RBM12B: variants seen among roughly 807,000 people sequenced by gnomAD.
RBM12B encodes the protein RNA binding motif protein 12B, also known as RNA-binding protein 12B.
RBM12B carries 10 observed loss-of-function variants against 34.3 expected under a neutral mutation model. The observed-to-expected ratio is 0.29, with a 90% CI of 0.18 to 0.49. The LOEUF (loss-of-function observed/expected upper bound fraction) is 0.49. RBM12B is among the 20% of genes least tolerant of loss of function. RBM12B has a pLI of 0.99. For synonymous variants in RBM12B, 477 were observed against 437.1 expected, an observed-to-expected ratio of 1.09 and a Z score of -1.14; for missense variants, 1,139 against 1,262.7, an observed-to-expected ratio of 0.90 and a Z score of 1.48.
chr8:93,734,036 T>TGGGGCGGTCTCCG lies in RBM12B; in HGVS notation c.2374_2375insCGGAGACCGCCCC (p.Gln792ProfsTer22), dbSNP rs1811892283. The TGGGGCGGTCTCCG allele has an allele frequency of 6.3e-7, 1 of 1,596,662 alleles. No individual in the cohort carries two copies. Among genetic ancestry groups the TGGGGCGGTCTCCG allele is most frequent in the African/African-American group, 1.4e-5 (1 of 73,312 alleles). On this transcript the variant is annotated frameshift_variant, in exon 4 of 4. Coordinates refer to ENST00000520560, the MANE Select transcript of RBM12B (RefSeq NM_001377960.1). LOFTEE classifies it high-confidence loss of function. ...CTCTCGGGAGCGCCTGAAATGCTCC[T>TGGGGCGGTCTCCG]GAGGCGGCCGCCTGAAATGCTCCTG...
chr8:93,735,522 C>T lies in RBM12B; in HGVS notation c.889G>A (p.Glu297Lys), dbSNP rs770059077. The T allele has an allele frequency of 8.7e-6, 14 of 1,613,656 alleles. No homozygotes were observed. The highest frequency in any genetic ancestry group is 3.3e-5 in the South Asian group (3 of 91,074). The part of the protein sequence containing the change: ...HLKNLSLSID[E>K]RDLRNFFRGT... ...CTAAAGAAATTTCTTAAATCTCTTT[C>T]GTCAATACTGAGGGACAGATTTTTT... Residue 297 changes from glutamate to lysine, a missense_variant, in exon 4 of 4, where the codon GAA (glutamate) becomes AAA (lysine). This residue lies in a region of RBM12B where 863 missense variants were observed against 869.5 expected (regional missense o/e 0.99). Transcript: ENST00000520560.
At chr8:93,738,443 A>G (rs1004778464) in intron 2 of RBM12B, among the ~76,000 whole-genome samples, 3 of 152,216 alleles carry the variant, frequency 2.0e-5, no homozygotes, top group African/African-American at 7.2e-5. Flanking sequence ...CCAAATAAAT[A>G]ATTATAATTT....
In RBM12B at chr8:93,735,288, A is replaced by G; in HGVS notation, c.1123T>C (p.Ser375Pro). 1 of 1,614,006 alleles carries G rather than the reference A, an allele frequency of 6.2e-7. No homozygotes were observed. Reference sequence around the variant, plus strand: ...GGCCTATCTCTCTCTAGTGACCCTGATCTCTTCTTTTCATAACGTGCAATG... The same window carrying G: ...GGCCTATCTCTCTCTAGTGACCCTGGTCTCTTCTTTTCATAACGTGCAATG... ...KFIARYEKKR[S>P]GSLERDRPGH... Residue 375 changes from serine (S) to proline (P), a missense_variant, in exon 4 of 4, where the codon TCA (serine) becomes CCA (proline). By Grantham distance (74) the Ser-to-Pro change is moderately conservative. This residue lies in a region of RBM12B where 863 missense variants were observed against 869.5 expected (regional missense o/e 0.99). Transcript: ENST00000520560.
chr8:93,733,397 C>G lies in RBM12B; in HGVS notation c.*8G>C. The G allele has an allele frequency of 6.6e-7, 1 of 1,509,048 alleles. No homozygotes were observed. The highest frequency in any genetic ancestry group is 8.9e-7 in the Non-Finnish European group (1 of 1,129,802). The allele number at this position is 1,509,048 out of a possible 1,614,324, so 93.5% of individuals were successfully genotyped here. ...AGGAAGATAACTGAATTTAGAAATG[C>G]TCTCTCTCTACAGCAAAGTTAACTT... is the stretch of plus-strand genomic sequence containing the variant. On this transcript the variant is annotated 3_prime_UTR_variant, in exon 4 of 4. Coordinates refer to ENST00000520560, the MANE Select transcript of RBM12B (RefSeq NM_001377960.1).
At position 93,734,986 on chromosome 8, in the gene RBM12B, T is replaced by A; in HGVS notation, c.1425A>T (p.Ile475=). The A allele has an allele frequency of 6.2e-7, 1 of 1,614,156 alleles. No individual in the cohort carries two copies. ...CAAACTCCTGTATTTGTGCCTCAGA[T>A]ATAAGTCTTAATAACACCTCTGTCC... is the stretch of plus-strand genomic sequence containing the variant. ...FLGTEVLLRL[I]SEAQIQEFGV... Residue 475 remains isoleucine, a synonymous_variant, in exon 4 of 4, where the codon ATA becomes ATT. Transcript: ENST00000520560.
chr8:93,733,293 A>G lies in RBM12B; in HGVS notation c.*112T>C. 2 of 848,074 alleles carry G rather than the reference A, an allele frequency of 2.4e-6. No individual in the cohort carries two copies. The highest frequency in any genetic ancestry group is 3.3e-6 in the Non-Finnish European group (2 of 605,492). The allele number at this position is 848,074 out of a possible 1,614,324, so 52.5% of individuals were successfully genotyped here. Reference sequence around the variant, plus strand: ...TTACATTTGTTCTATTCACAGGTCAAAAATAAAATATTTCATTAGATAATT... The same window carrying G: ...TTACATTTGTTCTATTCACAGGTCAGAAATAAAATATTTCATTAGATAATT... On this transcript the variant is annotated 3_prime_UTR_variant, in exon 4 of 4. Coordinates refer to ENST00000520560, the MANE Select transcript of RBM12B (RefSeq NM_001377960.1).
rs201265625 is a variant in RBM12B at position 93,734,591 on chromosome 8, G to C, written c.1820C>G (p.Pro607Arg). Residue 607 changes from proline (P) to arginine (R), a missense_variant, in exon 4 of 4, where the codon CCG becomes CGG. Physicochemically the swap from Pro to Arg is moderately radical, Grantham distance 103 (BLOSUM62 -2). Transcript: ENST00000520560. ...RPWEEDFRRP[P>R]EDDFRHPREE... ...CCTAGGGTGCCTGAAGTCATCCTCC[G>C]GAGGGCGCCTGAAATCTTCCTCCCA... 1.9e-6 allele frequency: 3 copies of C among 1,613,096 alleles called. No individual in the cohort carries two copies. Among genetic ancestry groups the C allele is most frequent in the South Asian group, 1.1e-5 (1 of 91,042 alleles).
chr8:93,733,213 A>C lies in RBM12B; in HGVS notation c.*192T>G, dbSNP rs998547456. ...AGCATGTGTAATTTTAAATTTGAAAAAAAAAAAGAATGGCAATTTGCAAGC... is the reference window on the plus strand; with the variant it reads ...AGCATGTGTAATTTTAAATTTGAAACAAAAAAAGAATGGCAATTTGCAAGC... On this transcript the variant is annotated 3_prime_UTR_variant, in exon 4 of 4. Transcript: ENST00000520560. The C allele has an allele frequency of 1.4e-4, 57 of 403,432 alleles. No homozygotes were observed. Among genetic ancestry groups the C allele is most frequent in the Non-Finnish European group, 1.7e-5 (4 of 237,082 alleles). 25.0% of individuals were successfully genotyped at this position (403,432 alleles called of 1,614,324 possible). A position where few individuals can be genotyped will look rare whatever the true frequency, so the allele number is the denominator to read the frequency against.
chr8:93,740,540 CA>C (rs1218008300), intron 2 of RBM12B, 88 bp downstream of exon 2: 1 of 456,674 alleles, frequency 2.2e-6, no homozygotes, highest in South Asian at 1.5e-5. Flanking sequence ...TAACTGAAAA[CA>C]CTTGCCCTTC....
chr8:93,733,929 T>G lies in RBM12B; in HGVS notation c.2482A>C (p.Arg828=). 6.2e-7 allele frequency: 1 copy of G among 1,613,470 alleles called. No homozygotes were observed. Among genetic ancestry groups the G allele is most frequent in the African/African-American group, 1.3e-5 (1 of 74,894 alleles). ...CTAAAATCTTCCTCCTGGGGGCTCC[T>G]GAAGTCCTCATCAGGAGGGTGCCTA... ...DFRHPPDEDF[R]SPQEEDFRCP... Residue 828 remains arginine, a synonymous_variant, in exon 4 of 4, where the codon AGG becomes CGG. Transcript: ENST00000520560.
chr8:93,739,270 G>C (rs1014036986), intron 2 of RBM12B: 1 of 152,172 alleles, frequency 6.6e-6, no homozygotes, highest in Non-Finnish European at 1.5e-5. Context: ...AGAGAAATTA[G>C]AGACGTTTCA....
rs1811784831 is a variant in RBM12B at position 93,731,355 on chromosome 8, A to G, written c.*2050T>C. 6.6e-6 allele frequency: 1 copy of G among 152,130 alleles called. No individual in the cohort carries two copies. The highest frequency in any genetic ancestry group is 6.5e-5 in the Admixed American group (1 of 15,280). The allele number at this position is 152,130 out of a possible 1,614,324, so 9.4% of individuals were successfully genotyped here. A position where few individuals can be genotyped will look rare whatever the true frequency, so the allele number is the denominator to read the frequency against. On this transcript the variant is annotated 3_prime_UTR_variant, in exon 4 of 4. Coordinates refer to ENST00000520560, the MANE Select transcript of RBM12B (RefSeq NM_001377960.1). Reference sequence around the variant, plus strand: ...ATATATTATTCAAAATGGGTGACCAAATGAACCATCTATACAATCTTTGCT... The same window carrying G: ...ATATATTATTCAAAATGGGTGACCAGATGAACCATCTATACAATCTTTGCT...
At position 93,740,983 on chromosome 8, in the gene RBM12B, G is replaced by T. The variant is rs776387904; in HGVS notation, c.-248C>A. The T allele has an allele frequency of 5.8e-6, 1 of 171,630 alleles. No homozygotes were observed. Among genetic ancestry groups the T allele is most frequent in the Non-Finnish European group, 1.3e-5 (1 of 78,388 alleles). 10.6% of individuals were successfully genotyped at this position (171,630 alleles called of 1,614,324 possible). A position where few individuals can be genotyped will look rare whatever the true frequency, so the allele number is the denominator to read the frequency against. On this transcript the variant is annotated 5_prime_UTR_variant, in exon 1 of 4. Coordinates refer to ENST00000520560, the MANE Select transcript of RBM12B (RefSeq NM_001377960.1). Reference sequence around the variant, plus strand: ...ACCCTCAGTGAGCCCAGAAGAAGATGGCGCCCACTGCCCCTCCGGTCCGGA... The same window carrying T: ...ACCCTCAGTGAGCCCAGAAGAAGATTGCGCCCACTGCCCCTCCGGTCCGGA...
chr8:93,728,411 G>A lies in RBM12B; in HGVS notation c.*4994C>T. 1.6e-6 allele frequency: 1 copy of A among 634,736 alleles called. No individual in the cohort carries two copies. The highest frequency in any genetic ancestry group is 4.4e-4 in the Middle Eastern group (1 of 2,264). 39.3% of individuals were successfully genotyped at this position (634,736 alleles called of 1,614,324 possible). On this transcript the variant is annotated 3_prime_UTR_variant, in exon 4 of 4. Transcript: ENST00000520560. ...TCAAAGTGAAGTCCAACTGGAAACA[G>A]AAAAATAATTAAAGGAAACTTATGC...
Position 93,733,248 on chromosome 8 carries a change from C to A in RBM12B, c.*157G>T. 1 of 488,012 alleles carries A rather than the reference C, an allele frequency of 2.0e-6. No individual in the cohort carries two copies. Among genetic ancestry groups the A allele is most frequent in the Admixed American group, 4.4e-5 (1 of 22,920 alleles). The allele number at this position is 488,012 out of a possible 1,614,324, so 30.2% of individuals were successfully genotyped here. A position where few individuals can be genotyped will look rare whatever the true frequency, so the allele number is the denominator to read the frequency against. On this transcript the variant is annotated 3_prime_UTR_variant, in exon 4 of 4. Transcript: ENST00000520560. ...ATGGCAATTTGCAAGCAAAAGAAAA[C>A]CAGATTCACATTCTACTATTTACAT...
Position 93,734,879 on chromosome 8 carries a change from A to G in RBM12B, c.1532T>C (p.Phe511Ser). The G allele has an allele frequency of 6.2e-7, 1 of 1,614,152 alleles. No homozygotes were observed. Among genetic ancestry groups the G allele is most frequent in the Non-Finnish European group, 8.5e-7 (1 of 1,180,006 alleles). Residue 511 changes from phenylalanine (F) to serine (S), a missense_variant, in exon 4 of 4, where the codon TTT becomes TCT. Physicochemically the swap from Phe to Ser is radical, Grantham distance 155. Around this residue, in one of 3 missense-constraint regions of RBM12B, gnomAD observed 863 missense variants for 869.5 expected, o/e 0.99. Coordinates refer to ENST00000520560, the MANE Select transcript of RBM12B (RefSeq NM_001377960.1). ...GTATATTGGTGGGTCTTTTGAGTCA[A>G]ATAAATGGGAATGGTCACCTCGCTC... ...SRERGDHSHL[F>S]DSKDPPIYSV...
chr8:93,734,267 A>T lies in RBM12B; in HGVS notation c.2144T>A (p.Phe715Tyr), dbSNP rs1370121689. The change falls in exon 4 of 4, where the codon TTC (phenylalanine) becomes TAC (tyrosine). Residue 715 changes from phenylalanine to tyrosine, a missense_variant. By Grantham distance (22) the Phe-to-Tyr change is conservative. Around this residue, in one of 3 missense-constraint regions of RBM12B, gnomAD observed 863 missense variants for 869.5 expected, o/e 0.99. Coordinates refer to ENST00000520560, the MANE Select transcript of RBM12B (RefSeq NM_001377960.1). The part of the protein sequence containing the change: ...EDFRHSPEED[F>Y]RQSPQEHFRR... Reference sequence around the variant, plus strand: ...GAAATGCTCCTGGGGTGACTGCCTGAAGTCCTCCTCAGGGGAATGCCTGAA... The same window carrying T: ...GAAATGCTCCTGGGGTGACTGCCTGTAGTCCTCCTCAGGGGAATGCCTGAA... 1 of 1,613,430 alleles carries T rather than the reference A, an allele frequency of 6.2e-7. No individual in the cohort carries two copies. Among genetic ancestry groups the T allele is most frequent in the Non-Finnish European group, 8.5e-7 (1 of 1,179,824 alleles).
Position 93,735,664 on chromosome 8 carries a change from T to C in RBM12B, c.747A>G (p.Arg249=), listed in dbSNP as rs1563662724. The C allele has an allele frequency of 2.1e-5, 34 of 1,614,022 alleles. No individual in the cohort carries two copies. The highest frequency in any genetic ancestry group is 2.9e-5 in the Non-Finnish European group (34 of 1,179,956). ...CTCTTGGTGGAGAATGTTCTTCAGA[T>C]CTCCTAAGAACGTCACCCTCCTTAA... ...NAVKEGDVLR[R]SEEHSPPRGI... Residue 249 remains arginine, a synonymous_variant, in exon 4 of 4, where the codon AGA becomes AGG. Coordinates refer to ENST00000520560, the MANE Select transcript of RBM12B (RefSeq NM_001377960.1).
rs1482016388 is a variant in RBM12B, at chr8:93,729,818, A to G, written c.*3587T>C. The stretch of plus-strand genomic sequence containing the variant: ...AAAACCATTCCTAGCTTCCACTACA[A>G]CAACAACAAAAAACAGGCAACCAAT... On this transcript the variant is annotated 3_prime_UTR_variant, in exon 4 of 4. Coordinates refer to ENST00000520560, the MANE Select transcript of RBM12B (RefSeq NM_001377960.1). The G allele has an allele frequency of 2.6e-5, 4 of 152,170 alleles. No homozygotes were observed. The highest frequency in any genetic ancestry group is 2.9e-5 in the Non-Finnish European group (2 of 68,014). The allele number at this position is 152,170 out of a possible 1,614,324, so 9.4% of individuals were successfully genotyped here. A position where few individuals can be genotyped will look rare whatever the true frequency, so the allele number is the denominator to read the frequency against.
Sources: allele counts gnomAD v4.1 joint callset (sites outside exome capture counted in the v4.1 genomes callset), GRCh38; gene constraint gnomAD v4.1.1; regional missense constraint gnomAD v4.1.1; transcripts MANE v1.5; gene names NCBI Gene and HGNC (gene_info 2026-07-23, HGNC 2026-07-21).